OPRK1: variants seen among roughly 807,000 people sequenced by gnomAD.
The protein encoded by OPRK1 is opioid receptor kappa 1.
A neutral mutation model predicts 24.5 loss-of-function variants in OPRK1; 15 were observed. The ratio of observed to expected loss-of-function variants is 0.61; its 90% CI spans 0.41 to 0.94. The LOEUF (loss-of-function observed/expected upper bound fraction) is 0.94. OPRK1 is among the 40% of genes least tolerant of loss of function. OPRK1 has a pLI of 0.00. For missense variants in OPRK1, 479 were observed against 507.3 expected (o/e 0.94, Z 0.54); for synonymous variants, 205 against 198.0 (o/e 1.04, Z -0.30).
rs374910391 is a variant in OPRK1 at position 53,225,997 on chromosome 8, C to T, written c.*3300G>A. ...AGGACACACAACCTTTCACAGCTTT[C>T]ACTTTACAATGTTCCAATTTAAAGT... On this transcript the variant is annotated 3_prime_UTR_variant, in exon 4 of 4. Coordinates refer to ENST00000265572, the MANE Select transcript of OPRK1 (RefSeq NM_000912.5). The T allele has an allele frequency of 1.6e-4, 24 of 152,278 alleles. No individual in the cohort carries two copies. In the East Asian group the frequency reaches 4.5e-3, roughly 28 times the overall value. The allele number at this position is 152,278 out of a possible 1,614,324, so 9.4% of individuals were successfully genotyped here. A position where few individuals can be genotyped will look rare whatever the true frequency, so the allele number is the denominator to read the frequency against.
In OPRK1 at chr8:53,250,652, T is replaced by C. The variant is rs1807353828; in HGVS notation, c.257+129A>G. Reference sequence around the variant, plus strand: ...TTCTAGGAAGCCACCCTGTAGCATTTCCAGGATCCTTCACGGAACAGAGTC... The same window carrying C: ...TTCTAGGAAGCCACCCTGTAGCATTCCCAGGATCCTTCACGGAACAGAGTC... On this transcript the variant is annotated intron_variant, in intron 2 of 3. Coordinates refer to ENST00000265572, the MANE Select transcript of OPRK1 (RefSeq NM_000912.5). 1.0e-5 allele frequency: 10 copies of C among 997,932 alleles called. No individual in the cohort carries two copies. The South Asian group carries it at 1.6e-4, about 16-fold the overall frequency. 61.8% of individuals were successfully genotyped at this position (997,932 alleles called of 1,614,324 possible). A position where few individuals can be genotyped will look rare whatever the true frequency, so the allele number is the denominator to read the frequency against.
Position 53,234,801 on chromosome 8 carries a change from C to T in OPRK1, c.568G>A (p.Gly190Ser), listed in dbSNP as rs1806948809. ...CCTCCAAGGACTATTGCAGAGATGC[C>T]AACAGATGACGACAGCAGCCAGATG... ...ICIWLLSSSVGISAIVLGGTK... is the reference protein window; with the variant it reads ...ICIWLLSSSVSISAIVLGGTK... Residue 190 changes from glycine (G) to serine (S), a missense_variant, in exon 3 of 4, where the codon GGC (glycine) becomes AGC (serine). Coordinates refer to ENST00000265572, the MANE Select transcript of OPRK1 (RefSeq NM_000912.5). 6.2e-7 allele frequency: 1 copy of T among 1,614,116 alleles called. No individual in the cohort carries two copies. The highest frequency in any genetic ancestry group is 2.2e-5 in the East Asian group (1 of 44,884).
Position 53,227,383 on chromosome 8 carries a change from G to A in OPRK1, c.*1914C>T, listed in dbSNP as rs1297824615. 1.3e-5 allele frequency: 2 copies of A among 152,024 alleles called. No homozygotes were observed. Among genetic ancestry groups the A allele is most frequent in the Admixed American group, 1.3e-4 (2 of 15,270 alleles). The allele number at this position is 152,024 out of a possible 1,614,324, so 9.4% of individuals were successfully genotyped here. ...AGGAATCTGACGAGAAAGTCTCTTG[G>A]GTTTTCCTGTTCCATAAAGAAGTTT... is the stretch of plus-strand genomic sequence containing the variant. On this transcript the variant is annotated 3_prime_UTR_variant, in exon 4 of 4. Transcript: ENST00000265572.
At chr8:53,251,385 C>T (rs1807395697) in intron 1 of OPRK1, 63 bp downstream of exon 1, 2 of 352,298 alleles carry the variant, frequency 5.7e-6, no homozygotes, top group South Asian at 9.3e-5. Flanking sequence ...AGGGTCAAGC[C>T]CCCTTCCCAC....
At position 53,229,597 on chromosome 8, in the gene OPRK1, T is replaced by G. The variant is rs702764; in HGVS notation, c.843A>C (p.Ala281=). The G allele has an allele frequency of 5.0e-6, 8 of 1,613,814 alleles. No homozygotes were observed. In the African/African-American group the frequency reaches 1.1e-4, roughly 22 times the overall value. The stretch of plus-strand genomic sequence containing the variant: ...TGGGAGTCCAGCAGACGACGAAGAC[T>G]GCCACCACCACCAGGACCAGTCTGG... The part of the protein sequence containing the change: ...RITRLVLVVV[A]VFVVCWTPIH... Residue 281 remains alanine (A), a synonymous_variant, in exon 4 of 4, where the codon GCA becomes GCC. Coordinates refer to ENST00000265572, the MANE Select transcript of OPRK1 (RefSeq NM_000912.5).
Position 53,242,056 on chromosome 8 carries a change from G to T in OPRK1, c.258-6945C>A, listed in dbSNP as rs1807127511. 2.0e-5 allele frequency among the ~76,000 whole-genome samples: 3 copies of T among 152,204 alleles called. No individual in the cohort carries two copies. The South Asian group carries it at 6.2e-4, about 32-fold the overall frequency. On this transcript the variant is annotated intron_variant, in intron 2 of 3. Coordinates refer to ENST00000265572, the MANE Select transcript of OPRK1 (RefSeq NM_000912.5). ...GAAAATGGCACCTCGCTAATGACTG[G>T]CGTGCACTTTCCTAGGGCACAACTA... is the stretch of plus-strand genomic sequence containing the variant.
chr8:53,232,732 T>C (rs939839688), intron 3 of OPRK1, among the ~76,000 whole-genome samples: 1 of 152,370 alleles, frequency 6.6e-6, no homozygotes, highest in East Asian at 1.9e-4. Context: ...CAGCATCTCA[T>C]GGTTGTCATA....
intron 2 of OPRK1, among the ~76,000 whole-genome samples, chr8:53,247,103 A>T (rs62505384): frequency 0.07 from 10,722 of 152,312 alleles, 386 homozygotes; most frequent in Middle Eastern, 0.14. Context: ...CACTGGCAGA[A>T]GTACAAGAAG....
At chr8:53,240,109 T>C (rs1313870476) in intron 2 of OPRK1, among the ~76,000 whole-genome samples, 4 of 152,080 alleles carry the variant, frequency 2.6e-5, no homozygotes, top group Non-Finnish European at 1.5e-5. Context: ...ACTGTAATAA[T>C]ACATTAAATA....
intron 3 of OPRK1, 112 bp from the exon 4 acceptor site, chr8:53,229,941 T>C: frequency 1.0e-6 from 1 of 990,488 alleles, no homozygotes; most frequent in Middle Eastern, 2.5e-4. Context: ...GGTCCAATTA[T>C]GGTAAGATGA....
chr8:53,242,984 C>A lies in OPRK1; in HGVS notation c.257+7797G>T. On this transcript the variant is annotated intron_variant, in intron 2 of 3. Coordinates refer to ENST00000265572, the MANE Select transcript of OPRK1 (RefSeq NM_000912.5). ...ATCCCCACTCCTAAAATCTATTCTTCATATATAAGCCTTCCTTATCCAAGA... is the reference window on the plus strand; with the variant it reads ...ATCCCCACTCCTAAAATCTATTCTTAATATATAAGCCTTCCTTATCCAAGA... 4 of 1,251,976 alleles carry A rather than the reference C, an allele frequency of 3.2e-6. No individual in the cohort carries two copies. In the South Asian group the frequency reaches 5.2e-5, roughly 16 times the overall value. 77.6% of individuals were successfully genotyped at this position (1,251,976 alleles called of 1,614,324 possible). A position where few individuals can be genotyped will look rare whatever the true frequency, so the allele number is the denominator to read the frequency against.
rs549074768 is a variant in OPRK1 at position 53,250,939 on chromosome 8, C to G, written c.99G>C (p.Trp33Cys). 2 of 1,610,940 alleles carry G rather than the reference C, an allele frequency of 1.2e-6. No individual in the cohort carries two copies. Among genetic ancestry groups the G allele is most frequent in the South Asian group, 2.2e-5 (2 of 90,858 alleles). Residue 33 changes from tryptophan (W) to cysteine (C), a missense_variant, in exon 2 of 4, where the codon TGG (tryptophan) becomes TGC (cysteine). By Grantham distance (215) the Trp-to-Cys change is radical (BLOSUM62 -2). Coordinates refer to ENST00000265572, the MANE Select transcript of OPRK1 (RefSeq NM_000912.5). ...CGCTGCCGTTGCTGTCGGGCTCGGC[C>G]CAGCCGGGAAACCAGGCGCTGCTGT... Reference protein sequence around the residue: ...PPNSSAWFPGWAEPDSNGSAG... With the variant: ...PPNSSAWFPGCAEPDSNGSAG...
Position 53,229,673 on chromosome 8 carries a change from A to T in OPRK1, c.767T>A (p.Val256Asp), listed in dbSNP as rs1431570743. 6.2e-7 allele frequency: 1 copy of T among 1,614,122 alleles called. No individual in the cohort carries two copies. Among genetic ancestry groups the T allele is most frequent in the East Asian group, 2.2e-5 (1 of 44,862 alleles). ...YTLMILRLKS[V>D]RLLSGSREKD... ...CTCTCGGGAGCCAGAAAGGAGCCGG[A>T]CGCTCTTGAGACGCAGGATCATCAG... is the stretch of plus-strand genomic sequence containing the variant. Residue 256 changes from valine to aspartate, a missense_variant, in exon 4 of 4, where the codon GTC (valine) becomes GAC (aspartate). Coordinates refer to ENST00000265572, the MANE Select transcript of OPRK1 (RefSeq NM_000912.5).
At chr8:53,235,781 TTGAGA>T (rs1306836193) in intron 2 of OPRK1, among the ~76,000 whole-genome samples, 1 of 152,204 alleles carries the variant, frequency 6.6e-6, no homozygotes, top group East Asian at 1.9e-4. Flanking sequence ...TCTTTACTCC[TTGAGA>T]TATTTTCTAA....
rs1806962910 is a variant in OPRK1, at chr8:53,235,209, T to G, written c.258-98A>C. ...GCCTTTGGATTACTGATTTTGCTTC[T>G]TCATTCAATTATTCTTATATTCATT... On this transcript the variant is annotated intron_variant, in intron 2 of 3. Coordinates refer to ENST00000265572, the MANE Select transcript of OPRK1 (RefSeq NM_000912.5). The G allele has an allele frequency of 9.5e-6, 9 of 946,992 alleles. No homozygotes were observed. In the South Asian group the frequency reaches 1.5e-4, roughly 16 times the overall value. The allele number at this position is 946,992 out of a possible 1,614,324, so 58.7% of individuals were successfully genotyped here.
Position 53,229,172 on chromosome 8 carries a change from G to T in OPRK1, c.*125C>A. 8.3e-7 allele frequency: 1 copy of T among 1,198,850 alleles called. No homozygotes were observed. Among genetic ancestry groups the T allele is most frequent in the Non-Finnish European group, 1.1e-6 (1 of 872,750 alleles). The allele number at this position is 1,198,850 out of a possible 1,614,324, so 74.3% of individuals were successfully genotyped here. A position where few individuals can be genotyped will look rare whatever the true frequency, so the allele number is the denominator to read the frequency against. ...TGCATCTGATGACTTCAGACCATGA[G>T]ATCTCTAAAAGTTTATTTTAAATTC... On this transcript the variant is annotated 3_prime_UTR_variant, in exon 4 of 4. Transcript: ENST00000265572.
intron 2 of OPRK1, among the ~76,000 whole-genome samples, chr8:53,247,983 T>G (rs1807273136): frequency 8.4e-6 from 1 of 118,526 alleles, no homozygotes; most frequent in Non-Finnish European, 1.6e-5. Context: ...AGAGCCAGAT[T>G]CTGTCTCAAA....
At position 53,229,385 on chromosome 8, in the gene OPRK1, A is replaced by T; in HGVS notation, c.1055T>A (p.Met352Lys). 6.2e-7 allele frequency: 1 copy of T among 1,614,202 alleles called. No individual in the cohort carries two copies. The highest frequency in any genetic ancestry group is 8.5e-7 in the Non-Finnish European group (1 of 1,180,042). Residue 352 changes from methionine to lysine, a missense_variant, in exon 4 of 4, where the codon ATG becomes AAG. By Grantham distance (95) the Met-to-Lys change is moderately conservative. Coordinates refer to ENST00000265572, the MANE Select transcript of OPRK1 (RefSeq NM_000912.5). The stretch of plus-strand genomic sequence containing the variant: ...GACTCTGCTAGTGCTCTGCCGCTCC[A>T]TCCTCATCTTCAGTGGAAAGCAGAA... ...RDFCFPLKMR[M>K]ERQSTSRVRN... is the part of the protein sequence containing the mutation.
intron 2 of OPRK1, chr8:53,242,890 T>C: frequency 2.3e-6 from 3 of 1,288,410 alleles, no homozygotes; most frequent in Non-Finnish European, 3.0e-6. Context: ...CATGGTTTTG[T>C]CGTCTTCCAT....
Sources: allele counts gnomAD v4.1 joint callset (sites outside exome capture counted in the v4.1 genomes callset), GRCh38; gene constraint gnomAD v4.1.1; transcripts MANE v1.5; gene names NCBI Gene and HGNC (gene_info 2026-07-23, HGNC 2026-07-21).